The following CRPPA variants were observed in gnomAD, a reference collection of about 807,000 sequenced individuals.
CRPPA encodes CDP-L-ribitol pyrophosphorylase A.
Under a neutral mutation model 52.0 loss-of-function variants are expected in CRPPA, and 43 were observed. The ratio of observed to expected loss-of-function variants is 0.83; its 90% CI spans 0.65 to 1.07. The LOEUF (loss-of-function observed/expected upper bound fraction) is 1.07. Among genes scored for constraint, CRPPA ranks in the 50% least tolerant of loss-of-function variants. CRPPA has a pLI of 0.00. For synonymous variants in CRPPA, 250 were observed against 203.5 expected, an observed-to-expected ratio of 1.23 and a Z score of -1.94; for missense variants, 629 against 551.7, an observed-to-expected ratio of 1.14 and a Z score of -1.40.
At chr7:16,215,396 T>A (rs1782276932) in intron 9 of CRPPA, among the ~76,000 whole-genome samples, 1 of 152,348 alleles carries the variant, frequency 6.6e-6, no homozygotes, top group Admixed American at 6.5e-5. Context: ...CTTAATAGAT[T>A]TTCCAAATTC....
chr7:16,295,963 T>A (rs968975289), intron 5 of CRPPA, among the ~76,000 whole-genome samples: 1 of 152,114 alleles, frequency 6.6e-6, no homozygotes, highest in Non-Finnish European at 1.5e-5. Context: ...GAAGCCTGAA[T>A]GAGTTAAACA....
Position 16,354,307 on chromosome 7 carries a change from G to A in CRPPA, c.684+21785C>T, listed in dbSNP as rs190130497. On this transcript the variant is annotated intron_variant, in intron 3 of 9. Transcript: ENST00000407010. The stretch of plus-strand genomic sequence containing the variant: ...TCAATATGTAGCTCACTTTTATCAC[G>A]TTATTCTGCTTTGTATTAGCACCAG... Among the ~76,000 whole-genome samples, 345 of 152,128 alleles carry A rather than the reference G, an allele frequency of 2.3e-3. 4 individuals are homozygous for A. The highest frequency in any genetic ancestry group is 8.2e-3 in the African/African-American group (339 of 41,512).
chr7:16,227,666 C>T (rs1265506254), intron 8 of CRPPA, among the ~76,000 whole-genome samples: 2 of 151,596 alleles, frequency 1.3e-5, no homozygotes, highest in Non-Finnish European at 3.0e-5. Context: ...ATGTATAGTT[C>T]GCATATGAGA....
chr7:16,413,983 C>T (rs1308476655), intron 1 of CRPPA, among the ~76,000 whole-genome samples: 1 of 152,126 alleles, frequency 6.6e-6, no homozygotes, highest in Non-Finnish European at 1.5e-5. Context: ...AATAGATTAA[C>T]ATACAATGAT....
intron 3 of CRPPA, among the ~76,000 whole-genome samples, chr7:16,372,860 C>A (rs984758085): frequency 6.6e-5 from 10 of 152,100 alleles, no homozygotes; most frequent in African/African-American, 2.4e-4. Flanking sequence ...GCAAGCAAAC[C>A]AAATGGAAAC....
intron 9 of CRPPA, among the ~76,000 whole-genome samples, chr7:16,104,192 C>T (rs1782103369): frequency 6.6e-6 from 1 of 152,272 alleles, no homozygotes; most frequent in South Asian, 2.1e-4. Context: ...GAATTACAAC[C>T]TGCAAAAATA....
At chr7:16,158,587 G>C (rs1783236490) in intron 9 of CRPPA, among the ~76,000 whole-genome samples, 1 of 152,054 alleles carries the variant, frequency 6.6e-6, no homozygotes, top group Non-Finnish European at 1.5e-5. Flanking sequence ...GATGCTATAT[G>C]AACTTCATGT....
At chr7:16,382,033 G>C (rs10269322) in intron 2 of CRPPA, among the ~76,000 whole-genome samples, 5 of 151,000 alleles carry the variant, frequency 3.3e-5, no homozygotes, top group Admixed American at 3.3e-4. Flanking sequence ...ATCCTGTCAT[G>C]ATGATGTTAG....
At chr7:16,353,603 A>C (rs1288988522) in intron 3 of CRPPA, among the ~76,000 whole-genome samples, 4 of 152,174 alleles carry the variant, frequency 2.6e-5, no homozygotes, top group Non-Finnish European at 5.9e-5. Flanking sequence ...TAATCCTAGC[A>C]ATTTGGGAGG....
intron 8 of CRPPA, among the ~76,000 whole-genome samples, chr7:16,221,144 A>G (rs1246352086): frequency 6.6e-6 from 1 of 152,222 alleles, no homozygotes; most frequent in Non-Finnish European, 1.5e-5. Context: ...AACGCCACAT[A>G]TCTACAACTA....
At chr7:16,393,495 T>A (rs79378234) in intron 2 of CRPPA, among the ~76,000 whole-genome samples, 4,881 of 152,160 alleles carry the variant, frequency 0.032, 150 homozygotes, top group African/African-American at 0.077. Context: ...AGGGGATAAT[T>A]ATTCAATAAA....
chr7:16,257,823 G>T (rs966459521), intron 8 of CRPPA, among the ~76,000 whole-genome samples: 1 of 152,020 alleles, frequency 6.6e-6, no homozygotes, highest in Admixed American at 6.6e-5. Flanking sequence ...AGTCCCCTCT[G>T]CTATATAGTT....
chr7:16,291,849 T>C (rs1784571704), intron 5 of CRPPA, among the ~76,000 whole-genome samples: 1 of 151,866 alleles, frequency 6.6e-6, no homozygotes, highest in South Asian at 2.1e-4. Flanking sequence ...TACATACCAA[T>C]TTTTAAAAAT....
intron 5 of CRPPA, among the ~76,000 whole-genome samples, chr7:16,286,097 A>AATATATATATATATATATAT (rs71007759): frequency 5.1e-4 from 20 of 39,112 alleles, no homozygotes; most frequent in African/African-American, 3.3e-3. Flanking sequence ...TAAAAAAAAA[A>AATATATATATATATATATAT]ATATATATAT....
intron 3 of CRPPA, among the ~76,000 whole-genome samples, chr7:16,308,932 T>TTTGGAAA (rs1276156115): frequency 1.3e-5 from 2 of 152,206 alleles, no homozygotes; most frequent in Non-Finnish European, 2.9e-5. Context: ...TGCTTATAAG[T>TTTGGAAA]TACCTTTCCA....
chr7:16,210,910 A>G (rs1441187560), intron 9 of CRPPA, among the ~76,000 whole-genome samples: 1 of 152,208 alleles, frequency 6.6e-6, no homozygotes, highest in African/African-American at 2.4e-5. Context: ...CTACTGTTCA[A>G]TACATCAGTA....
At position 16,421,468 on chromosome 7, in the gene CRPPA, C is replaced by T. The variant is rs1213862397; in HGVS notation, c.-146G>A. 1 of 734,278 alleles carries T rather than the reference C, an allele frequency of 1.4e-6. No individual in the cohort carries two copies. Among genetic ancestry groups the T allele is most frequent in the Non-Finnish European group, 1.8e-6 (1 of 542,280 alleles). 45.5% of individuals were successfully genotyped at this position (734,278 alleles called of 1,614,324 possible). On this transcript the variant is annotated 5_prime_UTR_variant, in exon 1 of 10. Transcript: ENST00000407010. ...AGCAGAAGGCGCCCCCCTCAGCCGT[C>T]GGAGCCCCGCTGTTGCTGCCCCGCA... is the stretch of plus-strand genomic sequence containing the variant.
intron 8 of CRPPA, chr7:16,237,219 C>T (rs1325713206): frequency 6.6e-6 from 1 of 152,144 alleles, no homozygotes. Context: ...TTTGTTCACT[C>T]CCACTAAAAC....
chr7:16,200,601 C>G (rs1185352023), intron 9 of CRPPA, among the ~76,000 whole-genome samples: 2 of 152,172 alleles, frequency 1.3e-5, no homozygotes. Flanking sequence ...ATTAATCAAG[C>G]TGCAGCTACC....
Sources: gnomAD v4.1 joint callset for allele counts (sites outside exome capture counted in the v4.1 genomes callset) on GRCh38, gnomAD v4.1.1 for gene constraint, MANE v1.5 for transcripts, NCBI Gene and HGNC (gene_info 2026-07-23, HGNC 2026-07-21) for gene names.